SETX: variants seen among roughly 807,000 people sequenced by gnomAD.
SETX encodes senataxin, also known as helicase senataxin.
SETX carries 90 observed loss-of-function variants against 227.2 expected under a neutral mutation model. That is an observed-to-expected ratio of 0.40 (90% CI 0.33 to 0.47). SETX has a LOEUF of 0.47. Ranked by LOEUF, SETX falls within the 20% of genes least tolerant of loss-of-function variation. The pLI is 0.91. For synonymous variants in SETX, 1,210 were observed against 1,113.2 expected, an observed-to-expected ratio of 1.09 and a Z score of -1.73; for missense variants, 3,052 against 3,181.5, an observed-to-expected ratio of 0.96 and a Z score of 0.98.
At chr9:132,356,708 A>T (rs1214675149), upstream of SETX, among the ~76,000 whole-genome samples, 1 of 152,178 alleles carries the variant, frequency 6.6e-6, no homozygotes, top group Non-Finnish European at 1.5e-5. Flanking sequence ...GAGCAAGCCC[A>T]GGGGAACACT....
At chr9:132,348,858 G>T (rs961189195) in intron 3 of SETX, among the ~76,000 whole-genome samples, 13 of 152,168 alleles carry the variant, frequency 8.5e-5, no homozygotes, top group Admixed American at 7.9e-4. Flanking sequence ...AGTCCAGAAG[G>T]TTGAGGCTGC....
chr9:132,342,707 C>G lies in SETX; in HGVS notation c.481G>C (p.Val161Leu). 1 of 1,613,072 alleles carries G rather than the reference C, an allele frequency of 6.2e-7. No individual in the cohort carries two copies. Among genetic ancestry groups the G allele is most frequent in the Non-Finnish European group, 8.5e-7 (1 of 1,179,098 alleles). The change falls in exon 5 of 26, where the codon GTC becomes CTC. Residue 161 changes from valine to leucine, a missense_variant. By Grantham distance (32) the Val-to-Leu change is conservative (BLOSUM62 1). Around this residue, in one of 10 missense-constraint regions of SETX, gnomAD observed 239 missense variants for 240.8 expected, o/e 0.99. Transcript: ENST00000224140. ...DKHPGIYLFL[V>L]HPNEMVRRWA... ...ACACTCACCATTTCATTGGGATGGACTAAAAACAAATAGATCCCTGGATGT... is the reference window on the plus strand; with the variant it reads ...ACACTCACCATTTCATTGGGATGGAGTAAAAACAAATAGATCCCTGGATGT...
At position 132,336,387 on chromosome 9, in the gene SETX, G is replaced by A. The variant is rs1847620123; in HGVS notation, c.627C>T (p.Asp209=). 3 of 1,613,956 alleles carry A rather than the reference G, an allele frequency of 1.9e-6. No individual in the cohort carries two copies. The highest frequency in any genetic ancestry group is 2.2e-5 in the East Asian group (1 of 44,892). The part of the protein sequence containing the change: ...VIELGLLESP[D]IYTSSVLEKG... ...TCTCTAGGACAGAAGAAGTATAAAT[G>A]TCTGGACTCTCTAAAAGCCCCAACT... Residue 209 remains aspartate (D), a synonymous_variant, in exon 6 of 26, where the codon GAC becomes GAT. Transcript: ENST00000224140.
intron 5 of SETX, among the ~76,000 whole-genome samples, chr9:132,340,712 G>A (rs745318369): frequency 4.6e-5 from 7 of 152,218 alleles, no homozygotes; most frequent in Non-Finnish European, 8.8e-5. Flanking sequence ...GTCTCCACCT[G>A]CTTGTCTCAG....
At chr9:132,301,155 C>T (rs1356687289) in intron 11 of SETX, among the ~76,000 whole-genome samples, 8 of 145,312 alleles carry the variant, frequency 5.5e-5, no homozygotes, top group Non-Finnish European at 9.0e-5. Flanking sequence ...TGCAGTGGCG[C>T]GATCTCGGGT....
At chr9:132,333,351 C>A (rs1357822100) in intron 7 of SETX, among the ~76,000 whole-genome samples, 2 of 142,478 alleles carry the variant, frequency 1.4e-5, no homozygotes, top group African/African-American at 5.3e-5. Flanking sequence ...GCACTCCAGC[C>A]TGGGTGAGAG....
intron 11 of SETX, among the ~76,000 whole-genome samples, chr9:132,304,595 TGAAC>T (rs1845211344): frequency 1.4e-5 from 2 of 144,658 alleles, no homozygotes; most frequent in African/African-American, 5.2e-5. Context: ...ATTGCGCCAC[TGAAC>T]GTCAGCCTGG....
intron 19 of SETX, 104 bp downstream of exon 19, chr9:132,283,160 C>CAAAA: frequency 5.2e-6 from 6 of 1,156,700 alleles, no homozygotes; most frequent in East Asian, 2.6e-5. Flanking sequence ...AAATCAGATG[C>CAAAA]AAAAAAAAAA....
At chr9:132,314,114 C>T (rs972680547) in intron 10 of SETX, among the ~76,000 whole-genome samples, 1 of 151,662 alleles carries the variant, frequency 6.6e-6, no homozygotes, top group Non-Finnish European at 1.5e-5. Flanking sequence ...TTTTTGGAGA[C>T]AGAGTTTCGG....
At chr9:132,332,167 G>C (rs748696890) in intron 7 of SETX, among the ~76,000 whole-genome samples, 3 of 152,116 alleles carry the variant, frequency 2.0e-5, no homozygotes, top group Non-Finnish European at 4.4e-5. Flanking sequence ...CCTCAGTCAA[G>C]AACTTAAAAG....
At chr9:132,335,493 T>C (rs1051285744) in intron 6 of SETX, among the ~76,000 whole-genome samples, 7 of 138,478 alleles carry the variant, frequency 5.1e-5, no homozygotes, top group African/African-American at 1.8e-4. Flanking sequence ...TTTTTTTTTT[T>C]AGGAGACAGG....
At chr9:132,325,758 C>A (rs1417715649) in intron 10 of SETX, among the ~76,000 whole-genome samples, 1 of 151,918 alleles carries the variant, frequency 6.6e-6, no homozygotes, top group Non-Finnish European at 1.5e-5. Context: ...CATGGTGAAA[C>A]CCCTTCTCTA....
chr9:132,274,989 T>C (rs898518372), intron 23 of SETX: 3 of 462,422 alleles, frequency 6.5e-6, no homozygotes, highest in East Asian at 3.7e-5. Context: ...GAACAAGTCA[T>C]GGAACTAAAA....
intron 9 of SETX, 64 bp downstream of exon 9, chr9:132,330,988 A>C (rs769143991): frequency 7.9e-7 from 1 of 1,272,344 alleles, no homozygotes; most frequent in Non-Finnish European, 1.1e-6. Flanking sequence ...AACAAATTAT[A>C]CAAAATAGTC....
rs572513210 is a variant in SETX, at chr9:132,341,834, G to A, written c.498+856C>T. ...CAAGCTGAATCCCGAGCTACCCACCGCCACCCAGGCCAGGTTTCCACTCAT... is the reference window on the plus strand; with the variant it reads ...CAAGCTGAATCCCGAGCTACCCACCACCACCCAGGCCAGGTTTCCACTCAT... On this transcript the variant is annotated intron_variant, in intron 5 of 25. Coordinates refer to ENST00000224140, the MANE Select transcript of SETX (RefSeq NM_015046.7). 9.2e-5 allele frequency among the ~76,000 whole-genome samples: 14 copies of A among 152,092 alleles called. No individual in the cohort carries two copies. In the East Asian group the frequency reaches 2.5e-3, roughly 27 times the overall value.
intron 5 of SETX, among the ~76,000 whole-genome samples, chr9:132,340,556 ACTG>A (rs1847897343): frequency 7.9e-6 from 1 of 127,000 alleles, no homozygotes; most frequent in Non-Finnish European, 1.8e-5. Context: ...GTACTCACTC[ACTG>A]CCACGCATTT....
At chr9:132,326,263 A>G (rs1488820345) in intron 10 of SETX, 61 bp downstream of exon 10, 1 of 1,290,008 alleles carries the variant, frequency 7.8e-7, no homozygotes, top group Non-Finnish European at 1.1e-6. Context: ...ATTTTCACTC[A>G]GCAAGGTAAA....
chr9:132,303,269 T>G (rs1325814626), intron 11 of SETX, among the ~76,000 whole-genome samples: 2 of 151,124 alleles, frequency 1.3e-5, no homozygotes, highest in Non-Finnish European at 2.9e-5. Context: ...GTGATCTTCC[T>G]GTTTTGGCCT....
chr9:132,349,202 C>A, intron 3 of SETX, 50 bp downstream of exon 3: 1 of 1,555,564 alleles, frequency 6.4e-7, no homozygotes, highest in South Asian at 1.1e-5. Flanking sequence ...AACTTACTCT[C>A]TTCCCAGCTA....
Sources: allele counts gnomAD v4.1 joint callset (sites outside exome capture counted in the v4.1 genomes callset), GRCh38; gene constraint gnomAD v4.1.1; regional missense constraint gnomAD v4.1.1; transcripts MANE v1.5; gene names NCBI Gene and HGNC (gene_info 2026-07-23, HGNC 2026-07-21).